The following EIF4G3 variants were observed in gnomAD, a reference collection of about 807,000 sequenced individuals.
EIF4G3 encodes eukaryotic translation initiation factor 4 gamma 3.
In EIF4G3, 34 loss-of-function variants were observed where a neutral mutation model predicts 186.4. The ratio of observed to expected loss-of-function variants is 0.18; its 90% CI spans 0.14 to 0.24. EIF4G3 has a LOEUF of 0.24. Among genes scored for constraint, EIF4G3 ranks in the 10% least tolerant of loss-of-function variants. The pLI is 1.00. For synonymous variants in EIF4G3, 673 were observed against 679.5 expected (o/e 0.99, Z 0.15); for missense variants, 1,536 against 1,948.5 (o/e 0.79, Z 3.99).
intron 36 of EIF4G3, among the ~76,000 whole-genome samples, chr1:20,807,718 T>C (rs548954027): frequency 6.6e-6 from 1 of 151,958 alleles, no homozygotes; most frequent in Non-Finnish European, 1.5e-5. Flanking sequence ...AATTCTTTTT[T>C]ATTCCTATTA....
At chr1:20,987,074 A>G (rs150958233) in intron 7 of EIF4G3, among the ~76,000 whole-genome samples, 142 of 152,358 alleles carry the variant, frequency 9.3e-4, no homozygotes, top group African/African-American at 3.3e-3. Flanking sequence ...TCTAGAAGCC[A>G]GAATAAAAAA....
chr1:20,816,721 C>A (rs1474943101), intron 34 of EIF4G3, among the ~76,000 whole-genome samples: 8 of 83,324 alleles, frequency 9.6e-5, no homozygotes, highest in East Asian at 4.9e-4. Context: ...TCCGCCCGGC[C>A]ACCACCCCGT....
intron 7 of EIF4G3, among the ~76,000 whole-genome samples, chr1:20,991,348 G>A (rs919237203): frequency 5.3e-5 from 8 of 152,000 alleles, no homozygotes; most frequent in South Asian, 2.1e-4. Context: ...TGGGCGGATC[G>A]CTTAAGCTCA....
intron 12 of EIF4G3, among the ~76,000 whole-genome samples, chr1:20,957,379 A>C (rs1202600760): frequency 1.8e-4 from 28 of 152,196 alleles, no homozygotes. Flanking sequence ...TCTGGAGTAC[A>C]GCAAAAGAAG....
chr1:20,973,771 A>C (rs1340423770), intron 10 of EIF4G3, among the ~76,000 whole-genome samples: 1 of 152,180 alleles, frequency 6.6e-6, no homozygotes, highest in Non-Finnish European at 1.5e-5. Context: ...CAATCTCTTC[A>C]ACTTTTGACT....
intron 7 of EIF4G3, among the ~76,000 whole-genome samples, chr1:20,988,032 A>G (rs1039231035): frequency 1.3e-5 from 2 of 152,248 alleles, no homozygotes; most frequent in African/African-American, 4.8e-5. Flanking sequence ...ATAGAAGATC[A>G]AACCAGCCAC....
chr1:21,023,415 C>A (rs941375035), intron 4 of EIF4G3, among the ~76,000 whole-genome samples: 1 of 151,638 alleles, frequency 6.6e-6, no homozygotes, highest in Non-Finnish European at 1.5e-5. Context: ...ATTGCAGGCA[C>A]GCGCCGCCAT....
At chr1:21,057,490 T>G (rs1209224847) in intron 3 of EIF4G3, among the ~76,000 whole-genome samples, 2 of 152,132 alleles carry the variant, frequency 1.3e-5, no homozygotes, top group African/African-American at 4.8e-5. Flanking sequence ...TTAGCAACAC[T>G]ATAAAGAGAA....
intron 31 of EIF4G3, among the ~76,000 whole-genome samples, chr1:20,828,072 C>T (rs1166994902): frequency 6.1e-5 from 8 of 131,866 alleles, no homozygotes; most frequent in South Asian, 5.0e-4. Context: ...CTCACTCTGT[C>T]GCCAGGCTGG....
chr1:20,972,657 G>A (rs550704836), intron 11 of EIF4G3, among the ~76,000 whole-genome samples: 9 of 152,104 alleles, frequency 5.9e-5, no homozygotes, highest in African/African-American at 2.2e-4. Flanking sequence ...AAAAAGACTG[G>A]TGTTAAAGGA....
chr1:20,954,324 T>A (rs2154563826), intron 12 of EIF4G3, among the ~76,000 whole-genome samples: 1 of 151,772 alleles, frequency 6.6e-6, no homozygotes, highest in East Asian at 1.9e-4. Context: ...GATCACGACG[T>A]TAAGAGTTCA....
At chr1:20,839,692 T>C (rs915379451) in intron 30 of EIF4G3, among the ~76,000 whole-genome samples, 3 of 151,718 alleles carry the variant, frequency 2.0e-5, no homozygotes, top group Non-Finnish European at 4.4e-5. Flanking sequence ...GTTGGCATGT[T>C]GGCCGTGGCT....
At chr1:21,048,292 A>AT (rs763303648) in intron 4 of EIF4G3, among the ~76,000 whole-genome samples, 217 of 152,330 alleles carry the variant, frequency 1.4e-3, no homozygotes, top group Middle Eastern at 3.4e-3. Flanking sequence ...TTTCCCTTAC[A>AT]TGCCAGTTAT....
intron 2 of EIF4G3, among the ~76,000 whole-genome samples, chr1:21,092,382 A>G (rs2096235771): frequency 6.6e-6 from 1 of 152,112 alleles, no homozygotes; most frequent in African/African-American, 2.4e-5. Context: ...GTGCTGCTGG[A>G]TTCGGTTTGC....
At chr1:20,818,605 G>A (rs2061597111) in intron 33 of EIF4G3, among the ~76,000 whole-genome samples, 1 of 152,018 alleles carries the variant, frequency 6.6e-6, no homozygotes, top group African/African-American at 2.4e-5. Flanking sequence ...TTGTGCCACT[G>A]CTCTGCAGCC....
intron 4 of EIF4G3, among the ~76,000 whole-genome samples, chr1:21,030,469 G>A (rs182119999): frequency 1.4e-4 from 22 of 152,236 alleles, no homozygotes; most frequent in African/African-American, 2.6e-4. Context: ...CTTGCCTTCT[G>A]CCATGATTGT....
At chr1:21,040,439 C>T (rs1016654995) in intron 4 of EIF4G3, among the ~76,000 whole-genome samples, 11 of 152,112 alleles carry the variant, frequency 7.2e-5, no homozygotes, top group African/African-American at 1.7e-4. Flanking sequence ...AACATGTTTT[C>T]CTGAGATCTG....
At chr1:21,053,502 G>A (rs1233111964) in intron 3 of EIF4G3, among the ~76,000 whole-genome samples, 1 of 148,494 alleles carries the variant, frequency 6.7e-6, no homozygotes, top group Non-Finnish European at 1.5e-5. Context: ...GGGAAGTGAG[G>A]AGTCCCTCTG....
chr1:20,999,299 G>T, intron 6 of EIF4G3: 1 of 335,350 alleles, frequency 3.0e-6, no homozygotes, highest in Non-Finnish European at 5.9e-6. Context: ...TCTCTTCAAA[G>T]AAATTGAGGT....
Sources: gnomAD v4.1 joint callset for allele counts (sites outside exome capture counted in the v4.1 genomes callset) on GRCh38, gnomAD v4.1.1 for gene constraint, MANE v1.5 for transcripts, NCBI Gene and HGNC (gene_info 2026-07-23, HGNC 2026-07-21) for gene names.